GPR149: variants seen among roughly 807,000 people sequenced by gnomAD.
The protein encoded by GPR149 is probable G protein-coupled receptor 149.
In GPR149, 50 loss-of-function variants were observed where a neutral mutation model predicts 50.2. That is an observed-to-expected ratio of 1.00 (90% CI 0.79 to 1.26). The LOEUF (loss-of-function observed/expected upper bound fraction) is 1.26. GPR149 is among the 50% of genes most tolerant of loss of function. The pLI is 0.00. For synonymous variants in GPR149, 405 were observed against 358.2 expected (o/e 1.13, Z -1.48); for missense variants, 983 against 895.4 (o/e 1.10, Z -1.25).
chr3:154,374,867 T>C (rs927210778), intron 3 of GPR149, among the ~76,000 whole-genome samples: 1 of 152,154 alleles, frequency 6.6e-6, no homozygotes, highest in Non-Finnish European at 1.5e-5. Context: ...CAATAACACA[T>C]CCAACCTTTC....
At chr3:154,419,040 A>C (rs1415237772) in intron 3 of GPR149, among the ~76,000 whole-genome samples, 1 of 152,010 alleles carries the variant, frequency 6.6e-6, no homozygotes, top group Non-Finnish European at 1.5e-5. Flanking sequence ...CCCTGGAAAT[A>C]AAAAGTTTTA....
intron 3 of GPR149, among the ~76,000 whole-genome samples, chr3:154,391,182 G>C (rs541489957): frequency 1.3e-5 from 2 of 151,962 alleles, no homozygotes; most frequent in African/African-American, 4.8e-5. Flanking sequence ...TGTAATGGTA[G>C]TGGGTAAACT....
At chr3:154,338,294 T>C (rs768200926) in intron 3 of GPR149, 23 bp from the exon 4 acceptor site, 18 of 1,505,572 alleles carry the variant, frequency 1.2e-5, no homozygotes, top group Non-Finnish European at 1.6e-5. Flanking sequence ...ACAAAATTGT[T>C]ATTGTTGAAA....
intron 1 of GPR149, 131 bp downstream of exon 1, chr3:154,428,504 G>A: frequency 9.6e-7 from 1 of 1,042,944 alleles, no homozygotes; most frequent in East Asian, 2.4e-5. Flanking sequence ...CTAAAACCCA[G>A]CGAGATACAC....
At chr3:154,387,446 A>G (rs565788335) in intron 3 of GPR149, among the ~76,000 whole-genome samples, 3 of 152,344 alleles carry the variant, frequency 2.0e-5, no homozygotes, top group Admixed American at 2.0e-4. Flanking sequence ...AGTGAATAAT[A>G]TAGGCCATGT....
At chr3:154,351,313 CAAAAAAAAAAAAAAAA>C (rs71155003) in intron 3 of GPR149, among the ~76,000 whole-genome samples, 33 of 75,568 alleles carry the variant, frequency 4.4e-4, no homozygotes, top group Non-Finnish European at 5.0e-4. Flanking sequence ...CATCCACATA[CAAAAAAAAAAAAAAAA>C]AAAAAAAAAA....
At chr3:154,365,315 A>T (rs929698167) in intron 3 of GPR149, among the ~76,000 whole-genome samples, 2 of 152,086 alleles carry the variant, frequency 1.3e-5, no homozygotes, top group African/African-American at 4.8e-5. Flanking sequence ...TCTGCCTTCA[A>T]GTCTCTGGTA....
chr3:154,380,284 T>C (rs889654303), intron 3 of GPR149, among the ~76,000 whole-genome samples: 6 of 152,034 alleles, frequency 3.9e-5, no homozygotes, highest in African/African-American at 7.2e-5. Flanking sequence ...GCTTTCACTG[T>C]GCTTCCAGAA....
At position 154,393,024 on chromosome 3, in the gene GPR149, T is replaced by C. The variant is rs141972787; in HGVS notation, c.1623+28015A>G. Among the ~76,000 whole-genome samples the C allele has an allele frequency of 2.0e-5, 3 of 152,174 alleles. No individual in the cohort carries two copies. In the East Asian group the frequency reaches 5.8e-4, roughly 29 times the overall value. ...ACATCCAAAAACGAATTAATGCCAA[T>C]TCTTCTCAATCTCCTCTAAAGAATT... On this transcript the variant is annotated intron_variant, in intron 3 of 3. Transcript: ENST00000389740.
intron 3 of GPR149, among the ~76,000 whole-genome samples, chr3:154,388,295 T>TATATAC (rs1359137373): frequency 6.6e-6 from 1 of 152,110 alleles, no homozygotes; most frequent in Non-Finnish European, 1.5e-5. Flanking sequence ...TATTCATATA[T>TATATAC]ATATACACAT....
At chr3:154,343,265 G>A (rs944263761) in intron 3 of GPR149, among the ~76,000 whole-genome samples, 35 of 152,238 alleles carry the variant, frequency 2.3e-4, no homozygotes, top group Admixed American at 7.8e-4. Context: ...ATAGAAAAAG[G>A]TTTGAGAGGC....
chr3:154,401,245 T>C (rs1410355101), intron 3 of GPR149, among the ~76,000 whole-genome samples: 3 of 152,236 alleles, frequency 2.0e-5, no homozygotes, highest in African/African-American at 4.8e-5. Flanking sequence ...GCTTTGCAGA[T>C]AGTGCCACTG....
chr3:154,428,599 C>A, intron 1 of GPR149, 36 bp downstream of exon 1: 1 of 1,589,168 alleles, frequency 6.3e-7, no homozygotes, highest in South Asian at 1.2e-5. Context: ...CTGTCTGGCA[C>A]ACACACTCGC....
chr3:154,345,855 TTTAATTTCTTATTTTATG>T (rs1162352845), intron 3 of GPR149, among the ~76,000 whole-genome samples: 1 of 152,176 alleles, frequency 6.6e-6, no homozygotes, highest in Non-Finnish European at 1.5e-5. Context: ...ACCATGGCAT[TTTAATTTCTTATTTTATG>T]AAAAAAGAAC....
intron 3 of GPR149, among the ~76,000 whole-genome samples, chr3:154,344,376 G>A (rs1713874902): frequency 6.6e-6 from 1 of 152,112 alleles, no homozygotes; most frequent in African/African-American, 2.4e-5. Context: ...AAAGGCAATA[G>A]TATCTTAACA....
intron 3 of GPR149, chr3:154,353,414 C>G (rs962518605): frequency 3.7e-6 from 4 of 1,091,510 alleles, no homozygotes; most frequent in African/African-American, 1.5e-5. Context: ...ATTTGTGAAT[C>G]ACATCTTCAA....
intron 3 of GPR149, among the ~76,000 whole-genome samples, chr3:154,358,293 GA>G (rs1714292183): frequency 1.3e-5 from 2 of 151,788 alleles, no homozygotes; most frequent in African/African-American, 4.8e-5. Flanking sequence ...AGTATAAGAA[GA>G]AATAAAAATA....
chr3:154,401,393 A>G (rs1228983677), intron 3 of GPR149, among the ~76,000 whole-genome samples: 1 of 152,240 alleles, frequency 6.6e-6, no homozygotes, highest in Non-Finnish European at 1.5e-5. Flanking sequence ...GCTGGGATCT[A>G]TTAAACTATA....
chr3:154,380,166 C>CAGAGAGAGAG (rs57858107), intron 3 of GPR149, among the ~76,000 whole-genome samples: 2 of 133,602 alleles, frequency 1.5e-5, no homozygotes, highest in Non-Finnish European at 1.6e-5. Context: ...GTGAGAGAGA[C>CAGAGAGAGAG]AGAGAGAGAG....
Sources: allele counts gnomAD v4.1 joint callset (sites outside exome capture counted in the v4.1 genomes callset), GRCh38; gene constraint gnomAD v4.1.1; transcripts MANE v1.5; gene names NCBI Gene and HGNC (gene_info 2026-07-23, HGNC 2026-07-21).